Variants in SLC17A1 observed in about 807,000 individuals in gnomAD.
SLC17A1 encodes sodium-dependent phosphate transport protein 1.
A neutral mutation model predicts 53.5 loss-of-function variants in SLC17A1; 51 were observed. The observed-to-expected ratio is 0.95, with a 90% CI of 0.76 to 1.20. The LOEUF (loss-of-function observed/expected upper bound fraction) is 1.20. Ranked by LOEUF, SLC17A1 falls within the 50% of genes most tolerant of loss-of-function variation. SLC17A1 has a pLI of 0.00. For missense variants in SLC17A1, 538 were observed against 568.2 expected, an observed-to-expected ratio of 0.95 and a Z score of 0.54; for synonymous variants, 179 against 198.8, an observed-to-expected ratio of 0.90 and a Z score of 0.84.
At chr6:25,773,718 T>G in the SLC17A1 span, 1 of 1,588,148 alleles carries the variant, frequency 6.3e-7, no homozygotes, top group Non-Finnish European at 8.6e-7. Context: ...TTTAAATGCT[T>G]AAATAATGAG....
At chr6:25,731,714 T>C in the SLC17A1 span, 1 of 1,083,742 alleles carries the variant, frequency 9.2e-7, no homozygotes, top group African/African-American at 1.6e-5. Flanking sequence ...TACAGCCCTA[T>C]TAGAAACTTT....
chr6:25,822,334 C>G (rs1057249878), intron 3 of SLC17A1, among the ~76,000 whole-genome samples: 2 of 152,010 alleles, frequency 1.3e-5, no homozygotes, highest in African/African-American at 4.8e-5. Flanking sequence ...GTGGTCTGGC[C>G]ATGTCTACTT....
intron 1 of SLC17A1, 125 bp downstream of exon 1, chr6:25,831,869 C>T (rs1764962038): frequency 6.6e-6 from 1 of 152,078 alleles, no homozygotes; most frequent in Admixed American, 6.5e-5. Context: ...CATATTCCAC[C>T]CCTCCCCACA....
chr6:25,767,217 A>C, the SLC17A1 span, among the ~76,000 whole-genome samples: 2 of 152,194 alleles, frequency 1.3e-5, no homozygotes, highest in Non-Finnish European at 2.9e-5. Context: ...TAGCACATAC[A>C]TATGTACATA....
downstream of SLC17A1, chr6:25,779,275 A>G: frequency 6.4e-7 from 1 of 1,555,368 alleles, no homozygotes; most frequent in Non-Finnish European, 8.8e-7. Context: ...TGCTTGACTG[A>G]TAAGCCATTA....
chr6:25,817,483 A>G (rs919773231), intron 6 of SLC17A1, among the ~76,000 whole-genome samples: 3 of 152,212 alleles, frequency 2.0e-5, no homozygotes, highest in Admixed American at 2.0e-4. Flanking sequence ...AGGAAAAAAC[A>G]TGTGAGGGAC....
At chr6:25,727,285 C>T in the SLC17A1 span, 16 of 1,595,878 alleles carry the variant, frequency 1.0e-5, no homozygotes, top group East Asian at 2.7e-4. Flanking sequence ...TACACCAGCT[C>T]CAAGTAAGCC....
the SLC17A1 span, chr6:25,726,062 G>A: frequency 2.2e-6 from 3 of 1,366,244 alleles, no homozygotes; most frequent in Admixed American, 6.9e-5. Flanking sequence ...TTCTGAGACG[G>A]TAGGTGGCTC....
the SLC17A1 span, among the ~76,000 whole-genome samples, chr6:25,752,085 G>T: frequency 1.3e-5 from 2 of 152,202 alleles, no homozygotes; most frequent in African/African-American, 4.8e-5. Context: ...CAGAGCATGT[G>T]CTGTATATTT....
At chr6:25,763,441 T>C in the SLC17A1 span, among the ~76,000 whole-genome samples, 1 of 152,218 alleles carries the variant, frequency 6.6e-6, no homozygotes, top group Non-Finnish European at 1.5e-5. Context: ...GAGTGCTTTG[T>C]CAGTTGGTGT....
At chr6:25,746,706 A>G in the SLC17A1 span, among the ~76,000 whole-genome samples, 2 of 152,168 alleles carry the variant, frequency 1.3e-5, no homozygotes, top group African/African-American at 4.8e-5. Context: ...CTTTTGGATG[A>G]CTTAATTGTA....
At chr6:25,770,184 T>A in the SLC17A1 span, 7 of 1,614,110 alleles carry the variant, frequency 4.3e-6, no homozygotes, top group Non-Finnish European at 5.9e-6. Flanking sequence ...TGGAGCCAAG[T>A]ATGTGGTTGG....
the SLC17A1 span, among the ~76,000 whole-genome samples, chr6:25,752,602 T>G: frequency 6.6e-6 from 1 of 152,238 alleles, no homozygotes; most frequent in Non-Finnish European, 1.5e-5. Context: ...GTTTTTAAAC[T>G]TTTTGACTCT....
chr6:25,731,426 T>A, the SLC17A1 span, among the ~76,000 whole-genome samples: 1 of 152,210 alleles, frequency 6.6e-6, no homozygotes, highest in Non-Finnish European at 1.5e-5. Flanking sequence ...CAGGCCTTTT[T>A]TGCTGTCATC....
At chr6:25,772,854 T>C in the SLC17A1 span, among the ~76,000 whole-genome samples, 2 of 152,162 alleles carry the variant, frequency 1.3e-5, no homozygotes, top group African/African-American at 4.8e-5. Context: ...TAATAGTTCA[T>C]TTCAAAACCT....
At chr6:25,776,281 TTTTTCTTC>T in the SLC17A1 span, among the ~76,000 whole-genome samples, 1 of 152,188 alleles carries the variant, frequency 6.6e-6, no homozygotes, top group Non-Finnish European at 1.5e-5. Context: ...TATTTTTCTT[TTTTTCTTC>T]TTTTCTTTTT....
At chr6:25,741,053 G>A in the SLC17A1 span, among the ~76,000 whole-genome samples, 1 of 139,580 alleles carries the variant, frequency 7.2e-6, no homozygotes, top group Admixed American at 7.6e-5. Context: ...AGTAAGGTTG[G>A]TTAATAGGTA....
chr6:25,775,844 G>T, the SLC17A1 span, among the ~76,000 whole-genome samples: 1 of 152,054 alleles, frequency 6.6e-6, no homozygotes, highest in African/African-American at 2.4e-5. Context: ...GTAATATGCC[G>T]CTATGCTTAT....
chr6:25,775,370 T>C, the SLC17A1 span, among the ~76,000 whole-genome samples: 116 of 152,174 alleles, frequency 7.6e-4, no homozygotes, highest in South Asian at 2.5e-3. Context: ...TTTCTTTCAT[T>C]ACTGTTCCTA....
Sources: allele counts gnomAD v4.1 joint callset (sites outside exome capture counted in the v4.1 genomes callset), GRCh38; gene constraint gnomAD v4.1.1; transcripts MANE v1.5; gene names NCBI Gene and HGNC (gene_info 2026-07-23, HGNC 2026-07-21).